The following MYBPC1 variants were observed in gnomAD, a reference collection of about 807,000 sequenced individuals.
MYBPC1 encodes myosin binding protein C1, also known as myosin-binding protein C, slow-type.
MYBPC1 carries 52 observed loss-of-function variants against 147.1 expected under a neutral mutation model. The ratio of observed to expected loss-of-function variants is 0.35; its 90% confidence interval spans 0.28 to 0.45. The LOEUF is 0.45. MYBPC1 is among the 20% of genes least tolerant of loss of function. The pLI is 1.00. For synonymous variants in MYBPC1, 477 were observed against 475.9 expected, an observed-to-expected ratio of 1.00 and a Z score of -0.03; for missense variants, 1,228 against 1,440.3, an observed-to-expected ratio of 0.85 and a Z score of 2.39.
intron 1 of MYBPC1, among the ~76,000 whole-genome samples, chr12:101,600,065 A>G (rs1030213273): frequency 6.6e-6 from 1 of 152,204 alleles, no homozygotes; most frequent in Non-Finnish European, 1.5e-5. Context: ...AAGACTTTGG[A>G]AAAACAAGTT....
At chr12:101,682,729 C>A in intron 30 of MYBPC1, 67 bp downstream of exon 30, 4 of 1,389,314 alleles carry the variant, frequency 2.9e-6, no homozygotes, top group Non-Finnish European at 4.1e-6. Context: ...TGAAAATGCA[C>A]CTTGCATGTA....
chr12:101,612,978 A>G (rs1884808824), intron 1 of MYBPC1, among the ~76,000 whole-genome samples: 1 of 152,206 alleles, frequency 6.6e-6, no homozygotes, highest in Non-Finnish European at 1.5e-5. Context: ...TCTGCAAATT[A>G]CATCACATCC....
chr12:101,685,560 T>C (rs1221134223), intron 31 of MYBPC1, 22 bp from the exon 32 acceptor site: 1 of 1,470,182 alleles, frequency 6.8e-7, no homozygotes, highest in African/African-American at 1.4e-5. Flanking sequence ...GATTTGTCTG[T>C]TTTCCTTTTG....
intron 2 of MYBPC1, among the ~76,000 whole-genome samples, chr12:101,616,642 T>A (rs1178593488): frequency 1.3e-5 from 2 of 152,144 alleles, no homozygotes; most frequent in African/African-American, 4.8e-5. Context: ...TGGTCTCAAC[T>A]GGTAGAATCT....
At chr12:101,631,042 A>G (rs1437657387) in intron 6 of MYBPC1, among the ~76,000 whole-genome samples, 11 of 152,204 alleles carry the variant, frequency 7.2e-5, no homozygotes, top group Admixed American at 7.2e-4. Flanking sequence ...TCACGTCCTC[A>G]GGGTCTAAAT....
At chr12:101,659,100 C>T (rs766978620) in intron 18 of MYBPC1, among the ~76,000 whole-genome samples, 1 of 152,104 alleles carries the variant, frequency 6.6e-6, no homozygotes, top group African/African-American at 2.4e-5. Context: ...CTCGCTCTGT[C>T]TTTACTTTGG....
At chr12:101,640,940 T>G (rs974947338) in intron 10 of MYBPC1, among the ~76,000 whole-genome samples, 1 of 151,248 alleles carries the variant, frequency 6.6e-6, no homozygotes, top group Non-Finnish European at 1.5e-5. Flanking sequence ...CATGGTGAAA[T>G]CCCATCTCTA....
intron 3 of MYBPC1, among the ~76,000 whole-genome samples, chr12:101,620,617 A>G (rs925828267): frequency 3.9e-5 from 6 of 152,126 alleles, no homozygotes; most frequent in African/African-American, 1.2e-4. Flanking sequence ...CCAACATCCT[A>G]TGTCTGAACA....
At chr12:101,647,627 T>A (rs1485393954) in intron 13 of MYBPC1, among the ~76,000 whole-genome samples, 1 of 152,070 alleles carries the variant, frequency 6.6e-6, no homozygotes, top group Admixed American at 6.5e-5. Context: ...GTGGCTCATG[T>A]CTATAATACC....
Position 101,684,316 on chromosome 12 carries a change from G to C in MYBPC1, c.3493-66G>C, listed in dbSNP as rs2303629. On this transcript the variant is annotated intron_variant, in intron 30 of 31. Transcript: ENST00000361466. ...ATAATTTCATCCAACAAGTACTCAA[G>C]TTTGGTGTTAGCACTTTATTAATGC... 0.36 allele frequency: 458,764 copies of C among 1,259,118 alleles called. 85,801 individuals are homozygous for C. The highest frequency in any genetic ancestry group is 0.5 in the South Asian group (42,033 of 84,140). 78.0% of individuals were successfully genotyped at this position (1,259,118 alleles called of 1,614,324 possible). A position where few individuals can be genotyped will look rare whatever the true frequency, so the allele number is the denominator to read the frequency against.
At chr12:101,637,579 A>G (rs1403944598) in intron 10 of MYBPC1, among the ~76,000 whole-genome samples, 1 of 152,160 alleles carries the variant, frequency 6.6e-6, no homozygotes, top group Admixed American at 6.5e-5. Context: ...AAATAAACAG[A>G]GTAAAACTAT....
chr12:101,629,562 A>G lies in MYBPC1; in HGVS notation c.289+18A>G. The G allele has an allele frequency of 6.4e-7, 1 of 1,567,018 alleles. No individual in the cohort carries two copies. Among genetic ancestry groups the G allele is most frequent in the South Asian group, 1.1e-5 (1 of 90,074 alleles). On this transcript the variant is annotated intron_variant, in intron 6 of 31. Transcript: ENST00000361466. ...GAAAGTTGGTGAGTGCCTAGCATTC[A>G]ATCCTTCCTTTTTTAAAAAATTAAG...
chr12:101,688,098 A>G (rs1458532653), downstream of MYBPC1, among the ~76,000 whole-genome samples: 1 of 152,192 alleles, frequency 6.6e-6, no homozygotes. Flanking sequence ...GAATTTACCA[A>G]AAATTCTTTT....
At chr12:101,610,913 C>T (rs1418229227) in intron 1 of MYBPC1, among the ~76,000 whole-genome samples, 1 of 152,176 alleles carries the variant, frequency 6.6e-6, no homozygotes, top group African/African-American at 2.4e-5. Context: ...TTCCACACTC[C>T]CTAGGCTGTG....
intron 18 of MYBPC1, among the ~76,000 whole-genome samples, chr12:101,656,682 A>G (rs1895601999): frequency 6.6e-6 from 1 of 152,212 alleles, no homozygotes; most frequent in South Asian, 2.1e-4. Flanking sequence ...CTAACAACAG[A>G]GCCTCAAAAT....
intron 3 of MYBPC1, among the ~76,000 whole-genome samples, chr12:101,625,377 T>G (rs1057358978): frequency 1.3e-5 from 2 of 152,206 alleles, no homozygotes; most frequent in Non-Finnish European, 2.9e-5. Flanking sequence ...CTGCACTTGT[T>G]TTCATAGTGG....
At chr12:101,691,191 C>A in the MYBPC1 span, among the ~76,000 whole-genome samples, 1 of 152,206 alleles carries the variant, frequency 6.6e-6, no homozygotes, top group Non-Finnish European at 1.5e-5. Context: ...CCTGCCTCAG[C>A]CTCCTGAGTA....
intron 1 of MYBPC1, among the ~76,000 whole-genome samples, chr12:101,598,411 G>A (rs780179105): frequency 2.6e-5 from 4 of 151,984 alleles, no homozygotes; most frequent in South Asian, 2.1e-4. Flanking sequence ...CCTTTCTTCC[G>A]TGGCAGAATC....
intron 28 of MYBPC1, among the ~76,000 whole-genome samples, chr12:101,679,950 A>G (rs374455677): frequency 3.9e-4 from 60 of 152,234 alleles, no homozygotes; most frequent in Non-Finnish European, 5.1e-4. Flanking sequence ...ATGATTTGAT[A>G]TATGTACACA....
Sources: allele counts gnomAD v4.1 joint callset (sites outside exome capture counted in the v4.1 genomes callset), GRCh38; gene constraint gnomAD v4.1.1; transcripts MANE v1.5; gene names NCBI Gene and HGNC (gene_info 2026-07-23, HGNC 2026-07-21).